HIPK3: variants seen among roughly 807,000 people sequenced by gnomAD.
The protein encoded by HIPK3 is homeodomain interacting protein kinase 3.
In HIPK3, 47 loss-of-function variants were observed where a neutral mutation model predicts 124.2. The observed-to-expected ratio is 0.38, with a 90% CI of 0.30 to 0.48. HIPK3 has a LOEUF of 0.48. Ranked by LOEUF, HIPK3 falls within the 20% of genes least tolerant of loss-of-function variation. HIPK3 has a pLI of 0.98. For synonymous variants in HIPK3, 482 were observed against 515.2 expected, an observed-to-expected ratio of 0.94 and a Z score of 0.87; for missense variants, 1,286 against 1,454.3, an observed-to-expected ratio of 0.88 and a Z score of 1.88.
intron 2 of HIPK3, among the ~76,000 whole-genome samples, chr11:33,298,501 AT>A (rs1310809511): frequency 1.3e-5 from 2 of 152,202 alleles, no homozygotes; most frequent in African/African-American, 4.8e-5. Flanking sequence ...TTTAAGAAAT[AT>A]GTTTGGTAAG....
intron 2 of HIPK3, among the ~76,000 whole-genome samples, chr11:33,293,799 T>C (rs1851765185): frequency 6.6e-6 from 1 of 152,124 alleles, no homozygotes; most frequent in South Asian, 2.1e-4. Context: ...GTGCTGCTTG[T>C]ACAGGAGGAG....
intron 2 of HIPK3, among the ~76,000 whole-genome samples, chr11:33,307,196 C>T (rs1318414118): frequency 6.6e-6 from 1 of 152,092 alleles, no homozygotes; most frequent in Non-Finnish European, 1.5e-5. Context: ...GCCTCAGCCT[C>T]CCAAAGTGCT....
intron 2 of HIPK3, among the ~76,000 whole-genome samples, chr11:33,312,420 TC>T (rs1243961411): frequency 6.6e-5 from 10 of 152,322 alleles, no homozygotes; most frequent in African/African-American, 2.4e-4. Context: ...TGTTGGCTAT[TC>T]CGTATGATAT....
intron 8 of HIPK3, among the ~76,000 whole-genome samples, chr11:33,342,637 G>A (rs1456249736): frequency 2.7e-5 from 4 of 150,172 alleles, no homozygotes; most frequent in Admixed American, 2.0e-4. Flanking sequence ...TGCAGCCTCC[G>A]CCTCCCGGGT....
chr11:33,295,578 A>G (rs1164302379), intron 2 of HIPK3, among the ~76,000 whole-genome samples: 2 of 152,242 alleles, frequency 1.3e-5, no homozygotes, highest in African/African-American at 4.8e-5. Flanking sequence ...TACCCAGGTT[A>G]AGGCCCGACA....
At chr11:33,314,225 C>T (rs2133948116) in intron 2 of HIPK3, among the ~76,000 whole-genome samples, 1 of 152,172 alleles carries the variant, frequency 6.6e-6, no homozygotes, top group East Asian at 1.9e-4. Context: ...TAAGCCCCAC[C>T]TTTCACTAAC....
intron 2 of HIPK3, among the ~76,000 whole-genome samples, chr11:33,305,311 T>C (rs150967660): frequency 1.8e-3 from 268 of 152,318 alleles, no homozygotes; most frequent in Admixed American, 2.9e-3. Flanking sequence ...CTTTTTTTAA[T>C]TTTAATTTTT....
chr11:33,293,662 A>G (rs1055437792), intron 2 of HIPK3, among the ~76,000 whole-genome samples: 1 of 152,160 alleles, frequency 6.6e-6, no homozygotes, highest in Non-Finnish European at 1.5e-5. Context: ...CATTTTACGT[A>G]TACATTCATC....
intron 2 of HIPK3, among the ~76,000 whole-genome samples, chr11:33,287,719 T>G (rs898159521): frequency 6.6e-6 from 1 of 152,168 alleles, no homozygotes; most frequent in African/African-American, 2.4e-5. Context: ...ACTGCAAAGT[T>G]CCATGCCAAA....
At chr11:33,258,806 C>A in intron 1 of HIPK3, 2 of 850,426 alleles carry the variant, frequency 2.4e-6, no homozygotes, top group Non-Finnish European at 2.8e-6. Flanking sequence ...GTAACACGTT[C>A]AGGCCTTGAA....
chr11:33,352,926 G>A (rs1424070540), intron 16 of HIPK3, among the ~76,000 whole-genome samples, 166 bp from the exon 17 acceptor site: 1 of 151,966 alleles, frequency 6.6e-6, no homozygotes, highest in Non-Finnish European at 1.5e-5. Context: ...AATATATATG[G>A]AATTGATATT....
chr11:33,310,303 A>G (rs558512426), intron 2 of HIPK3, among the ~76,000 whole-genome samples: 7 of 151,014 alleles, frequency 4.6e-5, no homozygotes, highest in African/African-American at 1.5e-4. Context: ...CTATCTATCT[A>G]TCTAATCTAT....
In HIPK3 at chr11:33,353,765, ATCT is replaced by A. The variant is rs1480224308; in HGVS notation, c.*202_*204del. On this transcript the variant is annotated 3_prime_UTR_variant, in exon 17 of 17. Coordinates refer to ENST00000303296, the MANE Select transcript of HIPK3 (RefSeq NM_005734.5). ...GGTATAACTTGTCTTTGGTCATGTT[ATCT>A]TCTTATGTAGTAACTCTAGACAGGT... 3 of 539,986 alleles carry A rather than the reference ATCT, an allele frequency of 5.6e-6. No homozygotes were observed. The highest frequency in any genetic ancestry group is 3.2e-5 in the East Asian group (1 of 30,958). The allele number at this position is 539,986 out of a possible 1,614,324, so 33.4% of individuals were successfully genotyped here. A position where few individuals can be genotyped will look rare whatever the true frequency, so the allele number is the denominator to read the frequency against.
At chr11:33,283,114 C>CTT (rs776190216) in intron 1 of HIPK3, among the ~76,000 whole-genome samples, 6 of 143,082 alleles carry the variant, frequency 4.2e-5, no homozygotes, top group East Asian at 2.0e-4. Flanking sequence ...TCCAGAATTT[C>CTT]TTTTTTTTTT....
At position 33,355,610 on chromosome 11, in the gene HIPK3, A is replaced by G. The variant is rs1283383519; in HGVS notation, c.*2042A>G. The G allele has an allele frequency of 6.6e-6, 1 of 152,072 alleles. No individual in the cohort carries two copies. The highest frequency in any genetic ancestry group is 1.5e-5 in the Non-Finnish European group (1 of 67,910). 9.4% of individuals were successfully genotyped at this position (152,072 alleles called of 1,614,324 possible). ...CTAGTACAGCGTTCACAATAAGCTA[A>G]TAATGGATAAGTTTTCTTCACTCCA... On this transcript the variant is annotated 3_prime_UTR_variant, in exon 17 of 17. Transcript: ENST00000303296.
At chr11:33,333,804 T>C (rs1470072247) in intron 3 of HIPK3, among the ~76,000 whole-genome samples, 2 of 152,232 alleles carry the variant, frequency 1.3e-5, no homozygotes, top group Non-Finnish European at 2.9e-5. Context: ...TAATTGCAGA[T>C]TATATGCTTA....
intron 1 of HIPK3, among the ~76,000 whole-genome samples, chr11:33,278,993 A>G (rs149169150): frequency 6.6e-6 from 1 of 152,302 alleles, no homozygotes; most frequent in African/African-American, 2.4e-5. Context: ...CTTTTATTTA[A>G]TTTATTTGTG....
Position 33,348,959 on chromosome 11 carries a change from G to C in HIPK3, c.2666+141G>C. 6 of 913,940 alleles carry C rather than the reference G, an allele frequency of 6.6e-6. No homozygotes were observed. In the South Asian group the frequency reaches 1.1e-4, roughly 16 times the overall value. The allele number at this position is 913,940 out of a possible 1,614,324, so 56.6% of individuals were successfully genotyped here. A position where few individuals can be genotyped will look rare whatever the true frequency, so the allele number is the denominator to read the frequency against. ...AAATTAGATAACCCAGTTCTAGACA[G>C]GGAACTTTCTAAATAACATTTAGCA... On this transcript the variant is annotated intron_variant, in intron 13 of 16. Coordinates refer to ENST00000303296, the MANE Select transcript of HIPK3 (RefSeq NM_005734.5).
Position 33,339,538 on chromosome 11 carries a change from T to C in HIPK3, c.1613+4T>C. 1 of 1,577,774 alleles carries C rather than the reference T, an allele frequency of 6.3e-7. No homozygotes were observed. Among genetic ancestry groups the C allele is most frequent in the East Asian group, 2.2e-5 (1 of 44,562 alleles). On this transcript the variant is annotated splice_donor_region_variant and intron_variant, in intron 6 of 16. Coordinates refer to ENST00000303296, the MANE Select transcript of HIPK3 (RefSeq NM_005734.5). Reference sequence around the variant, plus strand: ...TAGATTTCCCTCATAGCAACCAGTATGTTACTTTAAGATCTTTTAAAGTGG... The same window carrying C: ...TAGATTTCCCTCATAGCAACCAGTACGTTACTTTAAGATCTTTTAAAGTGG...
Sources: gnomAD v4.1 joint callset for allele counts (sites outside exome capture counted in the v4.1 genomes callset) on GRCh38, gnomAD v4.1.1 for gene constraint, MANE v1.5 for transcripts, NCBI Gene and HGNC (gene_info 2026-07-23, HGNC 2026-07-21) for gene names.